The following ZNF148 variants were observed in gnomAD, a reference collection of about 807,000 sequenced individuals.
The protein encoded by ZNF148 is zinc finger protein 148.
A neutral mutation model predicts 67.7 loss-of-function variants in ZNF148; 7 were observed. The observed-to-expected ratio is 0.10, with a 90% CI of 0.06 to 0.19. The LOEUF is 0.19. Among genes scored for constraint, ZNF148 ranks in the 10% least tolerant of loss-of-function variants. The pLI, the probability that ZNF148 is intolerant of heterozygous loss-of-function variation, is 1.00. For missense variants in ZNF148, 583 were observed against 947.1 expected, an observed-to-expected ratio of 0.62 and a Z score of 5.05; for synonymous variants, 333 against 330.7, an observed-to-expected ratio of 1.01 and a Z score of -0.08.
At position 125,274,734 on chromosome 3, in the gene ZNF148, G is replaced by A. The variant is rs138598723; in HGVS notation, c.667+2992C>T. On this transcript the variant is annotated intron_variant, in intron 7 of 8. Coordinates refer to ENST00000360647, the MANE Select transcript of ZNF148 (RefSeq NM_021964.3). Reference sequence around the variant, plus strand: ...AGGGACCAGGAGAAGACAGTATAATGAGACCTAAAGGGAGAAGGAAGGATG... The same window carrying A: ...AGGGACCAGGAGAAGACAGTATAATAAGACCTAAAGGGAGAAGGAAGGATG... Among the ~76,000 whole-genome samples the A allele has an allele frequency of 3.4e-3, 511 of 152,316 alleles. 4 individuals are homozygous for A. The highest frequency in any genetic ancestry group is 0.012 in the African/African-American group (479 of 41,576).
At chr3:125,302,562 G>C (rs564461709) in intron 4 of ZNF148, among the ~76,000 whole-genome samples, 2 of 152,028 alleles carry the variant, frequency 1.3e-5, no homozygotes, top group South Asian at 4.2e-4. Flanking sequence ...CTGCCCATCT[G>C]GTATATCGCA....
intron 2 of ZNF148, among the ~76,000 whole-genome samples, chr3:125,326,060 T>C (rs866364052): frequency 6.6e-6 from 1 of 152,034 alleles, no homozygotes. Context: ...AGCAAAACTA[T>C]CCTTCAAAAA....
Position 125,232,849 on chromosome 3 carries a change from G to A in ZNF148, c.1877C>T (p.Pro626Leu), listed in dbSNP as rs775745742. 8 of 1,613,786 alleles carry A rather than the reference G, an allele frequency of 5.0e-6. No homozygotes were observed. Among genetic ancestry groups the A allele is most frequent in the Admixed American group, 3.3e-5 (2 of 59,986 alleles). Residue 626 changes from proline to leucine, a missense_variant, in exon 9 of 9, where the codon CCG becomes CTG. Transcript: ENST00000360647. This position sits in a 1 kb window ranked among gnomAD's most constrained non-coding sequence, Gnocchi z 4.2. ...TSQNDAYLNS[P>L]SLNFVTDNQT... is the part of the protein sequence containing the mutation. Reference sequence around the variant, plus strand: ...GTTATCAGTCACAAAGTTAAGGCTCGGGCTATTCAAATAGGCATCATTTTG... The same window carrying A: ...GTTATCAGTCACAAAGTTAAGGCTCAGGCTATTCAAATAGGCATCATTTTG...
At chr3:125,281,752 T>A (rs965989658) in intron 5 of ZNF148, among the ~76,000 whole-genome samples, 1 of 152,226 alleles carries the variant, frequency 6.6e-6, no homozygotes, top group Non-Finnish European at 1.5e-5. Context: ...GCCTTGTGGA[T>A]AAACACACAG....
intron 7 of ZNF148, among the ~76,000 whole-genome samples, chr3:125,235,835 C>G (rs1936060894): frequency 6.6e-6 from 1 of 150,688 alleles, no homozygotes; most frequent in Admixed American, 6.6e-5. Flanking sequence ...TCATTCTCAG[C>G]AAACTATCAC....
intron 4 of ZNF148, among the ~76,000 whole-genome samples, chr3:125,310,683 A>G (rs770242824): frequency 2.2e-4 from 34 of 152,182 alleles, no homozygotes; most frequent in Non-Finnish European, 3.5e-4. Flanking sequence ...TGTTTCTTTG[A>G]AAATATCAAT....
chr3:125,268,013 G>C (rs1238870491), intron 7 of ZNF148, among the ~76,000 whole-genome samples: 1 of 151,576 alleles, frequency 6.6e-6, no homozygotes, highest in Non-Finnish European at 1.5e-5. Flanking sequence ...TAACCAAGAA[G>C]GTGAAAGATC....
intron 3 of ZNF148, chr3:125,314,796 G>A (rs957078453): frequency 2.0e-5 from 3 of 152,134 alleles, no homozygotes; most frequent in African/African-American, 7.2e-5. Context: ...GGTAGCTCAC[G>A]CCTGTAATTC....
intron 1 of ZNF148, among the ~76,000 whole-genome samples, chr3:125,372,962 G>A (rs763964447): frequency 8.6e-5 from 13 of 152,028 alleles, no homozygotes; most frequent in African/African-American, 2.4e-4. Flanking sequence ...GTGAAACTCC[G>A]TCTCAAAAAA....
chr3:125,357,491 G>A (rs749055515), intron 1 of ZNF148, among the ~76,000 whole-genome samples: 1 of 152,222 alleles, frequency 6.6e-6, no homozygotes, highest in Non-Finnish European at 1.5e-5. Flanking sequence ...CTCACTTCAG[G>A]GAGCGCCCAC....
chr3:125,239,844 G>C (rs867513895), intron 7 of ZNF148, among the ~76,000 whole-genome samples: 1 of 152,156 alleles, frequency 6.6e-6, no homozygotes, highest in African/African-American at 2.4e-5. Context: ...TAAAAAGAAA[G>C]AAAGTGCAGG....
intron 1 of ZNF148, among the ~76,000 whole-genome samples, chr3:125,360,156 C>T (rs911241672): frequency 2.6e-5 from 4 of 152,188 alleles, no homozygotes; most frequent in Non-Finnish European, 5.9e-5. Context: ...ATGCCTACAA[C>T]TTCAACTTCC....
chr3:125,299,546 C>T (rs1054324134), intron 4 of ZNF148, among the ~76,000 whole-genome samples: 1 of 152,092 alleles, frequency 6.6e-6, no homozygotes, highest in Non-Finnish European at 1.5e-5. Context: ...ATAAAGAAAT[C>T]TTCTACCAAC....
At chr3:125,327,069 G>A (rs955782509) in intron 2 of ZNF148, among the ~76,000 whole-genome samples, 2 of 151,918 alleles carry the variant, frequency 1.3e-5, no homozygotes, top group Non-Finnish European at 1.5e-5. Flanking sequence ...GGGAAAAAAA[G>A]GATATACTAT....
chr3:125,287,437 G>C (rs1256157599), intron 5 of ZNF148, among the ~76,000 whole-genome samples: 1 of 152,126 alleles, frequency 6.6e-6, no homozygotes, highest in Non-Finnish European at 1.5e-5. Context: ...CCAGGAGTTT[G>C]AGACTAGCCT....
chr3:125,246,953 C>T (rs1356955885), intron 7 of ZNF148, among the ~76,000 whole-genome samples: 12 of 152,078 alleles, frequency 7.9e-5, no homozygotes, highest in African/African-American at 2.4e-5. Flanking sequence ...AAGTAGAACC[C>T]ATATACTATG....
At chr3:125,289,854 C>G (rs1257808003) in intron 4 of ZNF148, among the ~76,000 whole-genome samples, 1 of 152,132 alleles carries the variant, frequency 6.6e-6, no homozygotes, top group Non-Finnish European at 1.5e-5. Flanking sequence ...ACAAACCAAC[C>G]AAGAGCCTTT....
At chr3:125,279,314 T>G (rs2107608660) in intron 5 of ZNF148, 67 bp from the exon 6 acceptor site, 1 of 1,312,720 alleles carries the variant, frequency 7.6e-7, no homozygotes, top group African/African-American at 1.5e-5. Context: ...AATAGTAATT[T>G]TAAAAAAAAG....
chr3:125,265,759 T>C (rs1004738851), intron 7 of ZNF148, among the ~76,000 whole-genome samples: 3 of 152,220 alleles, frequency 2.0e-5, no homozygotes, highest in Non-Finnish European at 4.4e-5. Context: ...TCCTCCATTA[T>C]GTAAGTACAA....
Sources: allele counts gnomAD v4.1 joint callset (sites outside exome capture counted in the v4.1 genomes callset), GRCh38; gene constraint gnomAD v4.1.1; non-coding constraint Gnocchi (gnomAD v3.1); transcripts MANE v1.5; gene names NCBI Gene and HGNC (gene_info 2026-07-23, HGNC 2026-07-21).